Variants in SNRNP35 observed in about 807,000 individuals in gnomAD.
SNRNP35 encodes the protein small nuclear ribonucleoprotein U11/U12 subunit 35.
A neutral mutation model predicts 24.3 loss-of-function variants in SNRNP35; 16 were observed. That is an observed-to-expected ratio of 0.66 (90% CI 0.45 to 1.00). The LOEUF (loss-of-function observed/expected upper bound fraction) is 1.00, where lower values mean the gene tolerates loss of function less well. SNRNP35 is among the 50% of genes least tolerant of loss of function. SNRNP35 has a pLI of 0.00. For missense variants in SNRNP35, 292 were observed against 327.2 expected (o/e 0.89, Z 0.83); for synonymous variants, 106 against 124.8 (o/e 0.85, Z 1.00).
exon 2 of SNRNP35, chr12:123,473,019 T>G (rs1410114636): frequency 8.2e-6 from 2 of 243,124 alleles, no homozygotes; most frequent in Non-Finnish European, 1.6e-5. Context: ...TTGGGTTTCT[T>G]TAATTACCCT....
downstream of SNRNP35, among the ~76,000 whole-genome samples, chr12:123,468,912 C>T (rs905320893): frequency 6.6e-6 from 1 of 152,170 alleles, no homozygotes. Context: ...GTGTGCAACA[C>T]TTTTTGAGAG....
downstream of SNRNP35, among the ~76,000 whole-genome samples, chr12:123,468,988 C>T (rs1197115009): frequency 6.6e-6 from 1 of 152,026 alleles, no homozygotes; most frequent in African/African-American, 2.4e-5. Context: ...AAATATCACC[C>T]CCATATGGTA....
At position 123,465,564 on chromosome 12, in the gene SNRNP35, C is replaced by T. The variant is rs1486164000; in HGVS notation, c.24C>T (p.Ala8=). The change falls in exon 2 of 2, where the codon GCC becomes GCT. Residue 8 remains alanine (A), a synonymous_variant. Coordinates refer to ENST00000526639, the MANE Select transcript of SNRNP35 (RefSeq NM_022717.4). This position sits in a 1 kb window ranked among gnomAD's most constrained non-coding sequence, Gnocchi z 4.2. ...ACATGAACGATTGGATGCCCATCGC[C>T]AAGGAGTATGATCCACTCAAAGCGG... MNDWMPI[A]KEYDPLKAGS... 1 of 1,557,708 alleles carries T rather than the reference C, an allele frequency of 6.4e-7. No homozygotes were observed. Among genetic ancestry groups the T allele is most frequent in the Non-Finnish European group, 8.7e-7 (1 of 1,153,132 alleles).
chr12:123,459,971 C>G, intron 1 of SNRNP35: 1 of 1,002,976 alleles, frequency 1.0e-6, no homozygotes, highest in Non-Finnish European at 1.6e-6. Context: ...TAATTCTCCT[C>G]CATTTTAATT....
rs746715253 is a variant in SNRNP35, at chr12:123,459,895, C to A, written c.-4+1679C>A. The A allele has an allele frequency of 4.4e-6, 7 of 1,586,468 alleles. No homozygotes were observed. In the African/African-American group the frequency reaches 9.4e-5, roughly 21 times the overall value. Reference sequence around the variant, plus strand: ...GAAAGATTAATGAGAAACAATGAAACCAGCTGTTAGTATCTATAGAAGCAT... The same window carrying A: ...GAAAGATTAATGAGAAACAATGAAAACAGCTGTTAGTATCTATAGAAGCAT... On this transcript the variant is annotated intron_variant, in intron 1 of 1. Transcript: ENST00000526639.
chr12:123,472,433 G>A, exon 2 of SNRNP35: 1 of 1,247,402 alleles, frequency 8.0e-7, no homozygotes, highest in Non-Finnish European at 1.1e-6. Flanking sequence ...TTTTCAGGGT[G>A]CATCTGCACC....
downstream of SNRNP35, among the ~76,000 whole-genome samples, chr12:123,467,133 G>A (rs1025050025): frequency 1.3e-5 from 2 of 152,136 alleles, no homozygotes; most frequent in Non-Finnish European, 2.9e-5. Flanking sequence ...TATATCCATA[G>A]CCCAAGAGTT....
rs944499077 is a variant in SNRNP35 at position 123,465,554 on chromosome 12, T to C, written c.14T>C (p.Met5Thr). The C allele has an allele frequency of 1.9e-6, 3 of 1,548,652 alleles. No homozygotes were observed. In the Admixed American group the frequency reaches 6.0e-5, roughly 31 times the overall value. Residue 5 changes from methionine to threonine, a missense_variant, in exon 2 of 2, where the codon ATG becomes ACG. Transcript: ENST00000526639. The surrounding 1 kb of genome is among the most constrained non-coding windows in gnomAD (Gnocchi z 4.2). The part of the protein sequence containing the change: MNDW[M>T]PIAKEYDPLK... ...CATTCATAGAACATGAACGATTGGA[T>C]GCCCATCGCCAAGGAGTATGATCCA...
chr12:123,459,271 A>G (rs1483847521), intron 1 of SNRNP35: 2 of 152,488 alleles, frequency 1.3e-5, no homozygotes, highest in African/African-American at 4.8e-5. Context: ...AATAATTTAT[A>G]ATTGTAATGC....
intron 1 of SNRNP35, among the ~76,000 whole-genome samples, chr12:123,463,409 G>T (rs1213711977): frequency 6.7e-6 from 1 of 150,138 alleles, no homozygotes; most frequent in East Asian, 1.9e-4. Flanking sequence ...ACAGACTCTC[G>T]CTCTGTCACC....
downstream of SNRNP35, among the ~76,000 whole-genome samples, chr12:123,469,439 C>T (rs1011128757): frequency 6.6e-6 from 1 of 152,016 alleles, no homozygotes; most frequent in South Asian, 2.1e-4. Flanking sequence ...AGGTATGAAC[C>T]ACTGCTCCTG....
chr12:123,459,030 G>C (rs1414741536), intron 1 of SNRNP35: 1 of 152,012 alleles, frequency 6.6e-6, no homozygotes, highest in Admixed American at 6.6e-5. Context: ...TCGACATTTC[G>C]GGTCAAGCAG....
At chr12:123,472,370 C>T (rs2139298859) in exon 2 of SNRNP35, 5 of 643,742 alleles carry the variant, frequency 7.8e-6, no homozygotes, top group African/African-American at 1.8e-5. Flanking sequence ...TAGAGTTTGG[C>T]GTCAGTTTTT....
intron 1 of SNRNP35, among the ~76,000 whole-genome samples, chr12:123,461,035 G>A (rs887354914): frequency 4.3e-5 from 6 of 139,890 alleles, no homozygotes; most frequent in Non-Finnish European, 4.5e-5. Context: ...GGCTAGTCTC[G>A]AACTCCTGGG....
chr12:123,468,838 C>A (rs1327134918), downstream of SNRNP35, among the ~76,000 whole-genome samples: 1 of 152,204 alleles, frequency 6.6e-6, no homozygotes, highest in Admixed American at 6.5e-5. Context: ...ATGACAGAAG[C>A]AAATACTCTT....
Position 123,465,441 on chromosome 12 carries a change from A to C in SNRNP35, c.-3-97A>C. Reference sequence around the variant, plus strand: ...CCCTTCCTTTCCTGTTTTTAAGAAGAGGTGAATGATAGTATCCTTTTCATG... The same window carrying C: ...CCCTTCCTTTCCTGTTTTTAAGAAGCGGTGAATGATAGTATCCTTTTCATG... On this transcript the variant is annotated intron_variant, in intron 1 of 1. Coordinates refer to ENST00000526639, the MANE Select transcript of SNRNP35 (RefSeq NM_022717.4). The surrounding 1 kb of genome is among the most constrained non-coding windows in gnomAD (Gnocchi z 4.2). The C allele has an allele frequency of 2.9e-6, 4 of 1,372,116 alleles. No homozygotes were observed. The highest frequency in any genetic ancestry group is 3.9e-6 in the Non-Finnish European group (4 of 1,031,120). 85.0% of individuals were successfully genotyped at this position (1,372,116 alleles called of 1,614,324 possible). A position where few individuals can be genotyped will look rare whatever the true frequency, so the allele number is the denominator to read the frequency against.
chr12:123,466,429 G>T lies in SNRNP35; in HGVS notation c.*148G>T. The T allele has an allele frequency of 1.3e-6, 1 of 778,304 alleles. No homozygotes were observed. Among genetic ancestry groups the T allele is most frequent in the Middle Eastern group, 3.5e-4 (1 of 2,886 alleles). 48.2% of individuals were successfully genotyped at this position (778,304 alleles called of 1,614,324 possible). On this transcript the variant is annotated 3_prime_UTR_variant, in exon 2 of 2. Coordinates refer to ENST00000526639, the MANE Select transcript of SNRNP35 (RefSeq NM_022717.4). ...AGTTTTCTTTCCAATCTGGAACTTC[G>T]GTTCAAGCTGATAGGAATTTATCAT... is the stretch of plus-strand genomic sequence containing the variant.
intron 1 of SNRNP35, among the ~76,000 whole-genome samples, chr12:123,460,878 G>A (rs143134552): frequency 0.02 from 3,028 of 151,122 alleles, 115 homozygotes; most frequent in African/African-American, 0.071. Flanking sequence ...GGCTAGTCTC[G>A]AACTCCCGAC....
At chr12:123,472,911 C>G (rs1369630232) in exon 2 of SNRNP35, 3 of 516,440 alleles carry the variant, frequency 5.8e-6, no homozygotes, top group African/African-American at 3.8e-5. Context: ...ATGGGCAAGG[C>G]ATGCATGCTG....
Sources: gnomAD v4.1 joint callset for allele counts (sites outside exome capture counted in the v4.1 genomes callset) on GRCh38, gnomAD v4.1.1 for gene constraint, Gnocchi (gnomAD v3.1) non-coding constraint, MANE v1.5 for transcripts, NCBI Gene and HGNC (gene_info 2026-07-23, HGNC 2026-07-21) for gene names.